Variants in DGKZ observed in about 807,000 individuals in gnomAD.
DGKZ encodes diacylglycerol kinase zeta, also known as DAG kinase zeta.
A neutral mutation model predicts 142.5 loss-of-function variants in DGKZ; 45 were observed. The ratio of observed to expected loss-of-function variants is 0.32; its 90% CI spans 0.25 to 0.40. DGKZ has a LOEUF of 0.40. Among genes scored for constraint, DGKZ ranks in the 10% least tolerant of loss-of-function variants. DGKZ has a pLI of 1.00. For missense variants in DGKZ, 755 were observed against 1,306.5 expected, an observed-to-expected ratio of 0.58 and a Z score of 6.51; for synonymous variants, 442 against 527.0, an observed-to-expected ratio of 0.84 and a Z score of 2.21.
At chr11:46,369,946 C>G in exon 6 of DGKZ, 1 of 1,613,970 alleles carries the variant, frequency 6.2e-7, no homozygotes, top group Non-Finnish European at 8.5e-7. Context: ...CCCAGCCAAC[C>G]TTTGTACGGC....
intron 20 of DGKZ, 43 bp downstream of exon 20, chr11:46,375,674 C>T (rs962386808): frequency 1.3e-6 from 2 of 1,526,454 alleles, no homozygotes; most frequent in African/African-American, 1.4e-5. Context: ...CAAGGCCAGA[C>T]CCTGCCCTCT....
rs1157414791 is a variant in DGKZ at position 46,347,827 on chromosome 11, G to A, written c.161+7G>A. On this transcript the variant is annotated splice_region_variant and intron_variant, in intron 1 of 30. Coordinates refer to ENST00000527911, the Ensembl canonical transcript of DGKZ. This position sits in a 1 kb window ranked among gnomAD's most constrained non-coding sequence, Gnocchi z 6.4. ...TGCGGCTCTTCGGGCACAGGTGAGC[G>A]GGGCGGCGGCGGGGCAGGCACCGAG... is the stretch of plus-strand genomic sequence containing the variant. 7.9e-6 allele frequency: 10 copies of A among 1,272,360 alleles called. No homozygotes were observed. The highest frequency in any genetic ancestry group is 9.9e-6 in the Non-Finnish European group (10 of 1,007,140). 78.8% of individuals were successfully genotyped at this position (1,272,360 alleles called of 1,614,324 possible).
At chr11:46,366,758 C>CGG in intron 1 of DGKZ, 1 of 1,550,058 alleles carries the variant, frequency 6.5e-7, no homozygotes, top group Non-Finnish European at 8.7e-7. Context: ...CCACCTGCTC[C>CGG]CCGCGGATGC....
At position 46,379,038 on chromosome 11, in the gene DGKZ, G is replaced by A. The variant is rs755898849; in HGVS notation, c.2466G>A (p.Glu822=). The change falls in exon 28 of 31, where the codon GAG becomes GAA. Residue 822 remains glutamate, a synonymous_variant. Coordinates refer to ENST00000527911, the Ensembl canonical transcript of DGKZ. ...GGGGCGACCTCATGCACCGAGACGA[G>A]CAGAGTCGCACGCTCCTGCACCACG... 7 of 1,593,894 alleles carry A rather than the reference G, an allele frequency of 4.4e-6. No individual in the cohort carries two copies. The South Asian group carries it at 6.6e-5, about 15-fold the overall frequency.
At chr11:46,361,357 G>A (rs2136440286) in intron 1 of DGKZ, among the ~76,000 whole-genome samples, 1 of 152,332 alleles carries the variant, frequency 6.6e-6, no homozygotes, top group South Asian at 2.1e-4. Flanking sequence ...GGTGCCAGGT[G>A]GAAGGGAGGC....
At chr11:46,363,381 A>G (rs1473389231) in intron 1 of DGKZ, among the ~76,000 whole-genome samples, 1 of 152,192 alleles carries the variant, frequency 6.6e-6, no homozygotes, top group Non-Finnish European at 1.5e-5. Context: ...CCAGACACAC[A>G]GGGAAACTGA....
At chr11:46,365,253 C>T (rs1372658142) in intron 1 of DGKZ, 2 of 985,274 alleles carry the variant, frequency 2.0e-6, no homozygotes, top group Non-Finnish European at 2.4e-6. Flanking sequence ...TGGGGGCTTC[C>T]AGCATCAGGG....
At chr11:46,345,354 C>G (rs574394365), upstream of DGKZ, 237 of 1,394,726 alleles carry the variant, frequency 1.7e-4, no homozygotes, top group South Asian at 2.3e-3. This position sits in a 1 kb window ranked among gnomAD's most constrained non-coding sequence, Gnocchi z 4.1. Context: ...CAGGCCCCCC[C>G]CTCGACCCCA....
intron 1 of DGKZ, among the ~76,000 whole-genome samples, chr11:46,357,313 T>C (rs1271472540): frequency 2.0e-5 from 3 of 151,852 alleles, no homozygotes; most frequent in Admixed American, 2.0e-4. Flanking sequence ...AAACCGACTA[T>C]CTAGTTTTCA....
intron 15 of DGKZ, 59 bp from the exon 16 acceptor site, chr11:46,374,340 C>G: frequency 6.2e-7 from 1 of 1,612,838 alleles, no homozygotes; most frequent in South Asian, 1.1e-5. Context: ...AGCCCTCCCC[C>G]AACCCCACCT....
chr11:46,347,327 C>A, upstream of DGKZ: 1 of 984,960 alleles, frequency 1.0e-6, no homozygotes, highest in Non-Finnish European at 1.2e-6. The surrounding 1 kb of genome is among the most constrained non-coding windows in gnomAD (Gnocchi z 6.4). Flanking sequence ...CGGACCGCCC[C>A]AGCGGGCTGC....
chr11:46,379,666 C>T (rs554271355), intron 30 of DGKZ, 98 bp downstream of exon 30: 57 of 1,331,986 alleles, frequency 4.3e-5, no homozygotes, highest in Non-Finnish European at 5.4e-5. Context: ...CCTGGGAAGA[C>T]ACAGTCCAGA....
At chr11:46,336,144 G>A (rs1294214126) in intron 1 of DGKZ, among the ~76,000 whole-genome samples, 3 of 152,240 alleles carry the variant, frequency 2.0e-5, no homozygotes, top group African/African-American at 4.8e-5. Flanking sequence ...TGCTTCTGAC[G>A]TAAGTGAGGA....
Position 46,379,234 on chromosome 11 carries a change from AAAGT to A in DGKZ, c.2573+4_2573+7del, listed in dbSNP as rs762008462. The A allele has an allele frequency of 6.8e-6, 11 of 1,613,022 alleles. No homozygotes were observed. Among genetic ancestry groups the A allele is most frequent in the African/African-American group, 4.0e-5 (3 of 74,894 alleles). ...CAGAGATCCTTGATGCGGTGGAGGA[AAAGT>A]AAGTATCTGGGCAGTGCAGAACCGT... is the stretch of plus-strand genomic sequence containing the variant. On this transcript the variant is annotated splice_donor_variant and coding_sequence_variant, in exon 29 of 31. Coordinates refer to ENST00000527911, the Ensembl canonical transcript of DGKZ. LOFTEE classifies it high-confidence loss of function.
chr11:46,379,001 T>G, exon 28 of DGKZ: 1 of 1,565,266 alleles, frequency 6.4e-7, no homozygotes, highest in Non-Finnish European at 8.6e-7. Context: ...CTCCAGGAGC[T>G]GCACCGAGCT....
At chr11:46,371,583 C>T (rs1313104671) in exon 8 of DGKZ, 1 of 1,610,588 alleles carries the variant, frequency 6.2e-7, no homozygotes, top group Non-Finnish European at 8.5e-7. Context: ...CACCTGGATC[C>T]TCCGCGCCCG....
chr11:46,369,590 A>T, intron 5 of DGKZ, 40 bp downstream of exon 5: 1 of 1,610,598 alleles, frequency 6.2e-7, no homozygotes, highest in Non-Finnish European at 8.5e-7. Context: ...CCACCCTAAG[A>T]TTCCTGCATG....
At chr11:46,364,577 G>A in intron 1 of DGKZ, 2 of 985,430 alleles carry the variant, frequency 2.0e-6, no homozygotes, top group Non-Finnish European at 2.4e-6. Context: ...GAGCTGAGCT[G>A]TGCAGAACTC....
At chr11:46,373,203 C>G (rs2136489744) in intron 14 of DGKZ, 102 bp downstream of exon 14, 1 of 1,312,294 alleles carries the variant, frequency 7.6e-7, no homozygotes, top group African/African-American at 1.5e-5. Flanking sequence ...CTCTTCATTT[C>G]TCCAACTTCC....
Sources: allele counts gnomAD v4.1 joint callset (sites outside exome capture counted in the v4.1 genomes callset), GRCh38; gene constraint gnomAD v4.1.1; non-coding constraint Gnocchi (gnomAD v3.1); transcripts MANE v1.5; gene names NCBI Gene and HGNC (gene_info 2026-07-23, HGNC 2026-07-21).